PDE4D: variants seen among roughly 807,000 people sequenced by gnomAD.
PDE4D encodes the protein 3',5'-cyclic-AMP phosphodiesterase 4D.
PDE4D carries 24 observed loss-of-function variants against 87.4 expected under a neutral mutation model. That is an observed-to-expected ratio of 0.27 (90% CI 0.20 to 0.39). The LOEUF is 0.39. PDE4D is among the 10% of genes least tolerant of loss of function. The pLI, the probability that PDE4D is intolerant of heterozygous loss-of-function variation, is 1.00. For synonymous variants in PDE4D, 384 were observed against 383.2 expected (o/e 1.00, Z -0.02); for missense variants, 714 against 1,041.0 (o/e 0.69, Z 4.32).
At chr5:59,482,389 T>C (rs529104029) in intron 1 of PDE4D, among the ~76,000 whole-genome samples, 1 of 152,320 alleles carries the variant, frequency 6.6e-6, no homozygotes, top group South Asian at 2.1e-4. Flanking sequence ...TATTGTGGCA[T>C]TGTTCTTTTA....
intron 1 of PDE4D, among the ~76,000 whole-genome samples, chr5:60,268,048 A>C (rs1384847179): frequency 6.6e-6 from 1 of 152,176 alleles, no homozygotes; most frequent in Non-Finnish European, 1.5e-5. Context: ...CCAAGCCCTA[A>C]TCATGCAGGC....
At chr5:59,656,832 C>T (rs1257943356) in intron 1 of PDE4D, among the ~76,000 whole-genome samples, 1 of 152,148 alleles carries the variant, frequency 6.6e-6, no homozygotes, top group Non-Finnish European at 1.5e-5. Flanking sequence ...TTAGCAATTA[C>T]AATAGCAAAT....
rs542225975 is a variant in PDE4D at position 59,143,125 on chromosome 5, C to T, written c.808+37470G>A. On this transcript the variant is annotated intron_variant, in intron 5 of 14. Coordinates refer to ENST00000340635, the MANE Select transcript of PDE4D (RefSeq NM_001104631.2). The stretch of plus-strand genomic sequence containing the variant: ...CCTTCTTTCCTTCCTTCCTTCCTTC[C>T]CTTACTTCCTGCCTCCATCCCTTCC... Among the ~76,000 whole-genome samples the T allele has an allele frequency of 2.6e-5, 4 of 151,084 alleles. No homozygotes were observed. In the East Asian group the frequency reaches 7.8e-4, roughly 29 times the overall value.
chr5:59,484,878 C>T (rs774345482), intron 1 of PDE4D, among the ~76,000 whole-genome samples: 1 of 152,136 alleles, frequency 6.6e-6, no homozygotes, highest in African/African-American at 2.4e-5. Context: ...TCTGAGAGTT[C>T]TAAAAGTCTA....
intron 5 of PDE4D, among the ~76,000 whole-genome samples, chr5:59,126,400 CCTT>C (rs773360182): frequency 1.3e-5 from 2 of 152,144 alleles, no homozygotes; most frequent in Non-Finnish European, 2.9e-5. Flanking sequence ...TTGCTAAACT[CCTT>C]CTCCCTTTAT....
chr5:60,061,285 C>A (rs565370149), intron 2 of PDE4D, among the ~76,000 whole-genome samples: 4 of 151,852 alleles, frequency 2.6e-5, no homozygotes, highest in East Asian at 3.9e-4. Flanking sequence ...TTTACACTAA[C>A]AATAGACAAG....
intron 1 of PDE4D, among the ~76,000 whole-genome samples, chr5:59,461,469 C>G (rs1800776739): frequency 6.6e-6 from 1 of 152,032 alleles, no homozygotes; most frequent in Admixed American, 6.6e-5. Context: ...CTAAGGGACA[C>G]TATAAAACAC....
At chr5:59,558,060 T>A (rs1161770352) in intron 1 of PDE4D, among the ~76,000 whole-genome samples, 3 of 152,160 alleles carry the variant, frequency 2.0e-5, no homozygotes, top group Non-Finnish European at 4.4e-5. Flanking sequence ...AAAAAAGGAA[T>A]GTTTATAGAT....
intron 1 of PDE4D, among the ~76,000 whole-genome samples, chr5:60,333,669 G>A (rs60275927): frequency 0.038 from 5,712 of 152,150 alleles, 342 homozygotes; most frequent in African/African-American, 0.13. Flanking sequence ...TGTCAATCAC[G>A]CCCCAAACTT....
chr5:59,120,826 T>C (rs778530872), intron 5 of PDE4D, among the ~76,000 whole-genome samples: 4 of 151,996 alleles, frequency 2.6e-5, no homozygotes. Context: ...AACAGACACA[T>C]AGACCAATGG....
At chr5:60,350,983 A>C (rs534295763) in intron 1 of PDE4D, among the ~76,000 whole-genome samples, 1 of 152,304 alleles carries the variant, frequency 6.6e-6, no homozygotes, top group African/African-American at 2.4e-5. Flanking sequence ...CTATTGTTTC[A>C]GTGGATTAAA....
chr5:59,604,438 G>A lies in PDE4D; in HGVS notation c.455+288730C>T, dbSNP rs935005074. ...ATTAGGGAAGCAAGAAAACAGCAGT[G>A]TAGAAATAGGAGAAGGATGAATAAC... is the stretch of plus-strand genomic sequence containing the variant. On this transcript the variant is annotated intron_variant, in intron 1 of 14. Transcript: ENST00000340635. Among the ~76,000 whole-genome samples the A allele has an allele frequency of 1.3e-4, 20 of 152,136 alleles. 1 individual carries two copies. In the South Asian group the frequency reaches 3.9e-3, roughly 30 times the overall value.
chr5:59,436,564 T>C (rs1562185345), intron 1 of PDE4D, among the ~76,000 whole-genome samples: 1 of 152,166 alleles, frequency 6.6e-6, no homozygotes, highest in Non-Finnish European at 1.5e-5. Flanking sequence ...TGAGACTGAA[T>C]TGTATGTCTT....
intron 2 of PDE4D, chr5:59,215,526 G>A (rs1581423611): frequency 5.1e-6 from 2 of 389,358 alleles, no homozygotes; most frequent in Non-Finnish European, 9.1e-6. Context: ...TTCCTATAAA[G>A]TATTTTCTGG....
At chr5:60,440,664 T>C (rs1008128626) in intron 1 of PDE4D, among the ~76,000 whole-genome samples, 4 of 152,094 alleles carry the variant, frequency 2.6e-5, no homozygotes, top group Non-Finnish European at 4.4e-5. Flanking sequence ...ACAATGTGTT[T>C]AGAAATAGTG....
At chr5:60,402,192 G>A (rs2150048458) in intron 1 of PDE4D, among the ~76,000 whole-genome samples, 1 of 152,252 alleles carries the variant, frequency 6.6e-6, no homozygotes, top group South Asian at 2.1e-4. Flanking sequence ...CACCCTAAAT[G>A]CCCATGGGTA....
intron 1 of PDE4D, among the ~76,000 whole-genome samples, chr5:59,819,493 A>G (rs1045631332): frequency 4.6e-5 from 7 of 152,152 alleles, no homozygotes; most frequent in African/African-American, 1.7e-4. Flanking sequence ...AAACAGACCT[A>G]TTACTCATAA....
chr5:59,833,229 T>C (rs1741514319), intron 1 of PDE4D, among the ~76,000 whole-genome samples: 1 of 151,910 alleles, frequency 6.6e-6, no homozygotes, highest in Non-Finnish European at 1.5e-5. Flanking sequence ...GGTTGACATA[T>C]GGAATTAAGT....
At chr5:60,014,591 C>T (rs1275249445) in intron 2 of PDE4D, among the ~76,000 whole-genome samples, 7 of 152,106 alleles carry the variant, frequency 4.6e-5, no homozygotes, top group African/African-American at 1.4e-4. Context: ...CTCTTAAAAA[C>T]GTTACTGCAC....
Sources: allele counts gnomAD v4.1 joint callset (sites outside exome capture counted in the v4.1 genomes callset), GRCh38; gene constraint gnomAD v4.1.1; transcripts MANE v1.5; gene names NCBI Gene and HGNC (gene_info 2026-07-23, HGNC 2026-07-21).